Variants in JMJD1C observed in about 807,000 individuals in gnomAD.
JMJD1C encodes the protein jumonji domain containing 1C.
JMJD1C carries 31 observed loss-of-function variants against 245.3 expected under a neutral mutation model. The ratio of observed to expected loss-of-function variants is 0.13; its 90% CI spans 0.09 to 0.17. The LOEUF is 0.17. Ranked by LOEUF, JMJD1C falls within the 10% of genes least tolerant of loss-of-function variation. JMJD1C has a pLI of 1.00. For synonymous variants in JMJD1C, 1,057 were observed against 1,017.4 expected (o/e 1.04, Z -0.74); for missense variants, 2,691 against 3,000.2 (o/e 0.90, Z 2.41).
chr10:63,452,559 T>A (rs1952136105), intron 1 of JMJD1C, among the ~76,000 whole-genome samples: 1 of 152,142 alleles, frequency 6.6e-6, no homozygotes, highest in South Asian at 2.1e-4. Context: ...TACCATATGA[T>A]CCAGCAATTC....
rs1554902638 is a variant in JMJD1C, at chr10:63,361,742, A to AAG, written c.333+18575_333+18576insCT. Among the ~76,000 whole-genome samples the AAG allele has an allele frequency of 1.3e-4, 19 of 146,618 alleles. No homozygotes were observed. In the East Asian group the frequency reaches 1.8e-3, roughly 14 times the overall value. ...ACTAAAAAAAAAAAAAAAAAAAAAAAAAAAAGAAAAAGAATATCCTACTCC... is the reference window on the plus strand; with the variant it reads ...ACTAAAAAAAAAAAAAAAAAAAAAAAAGAAAAAGAAAAAGAATATCCTACTCC... On this transcript the variant is annotated intron_variant, in intron 2 of 25. Coordinates refer to ENST00000399262, the MANE Select transcript of JMJD1C (RefSeq NM_032776.3).
At position 63,193,016 on chromosome 10, in the gene JMJD1C, A is replaced by T; in HGVS notation, c.5998T>A (p.Leu2000Ile). The T allele has an allele frequency of 6.2e-7, 1 of 1,614,128 alleles. No individual in the cohort carries two copies. Among genetic ancestry groups the T allele is most frequent in the Non-Finnish European group, 8.5e-7 (1 of 1,180,014 alleles). The change falls in exon 16 of 26, where the codon TTA becomes ATA. Residue 2000 changes from leucine (L) to isoleucine (I), a missense_variant. Transcript: ENST00000399262. ...GGTGACTGGGATTCTGGAGGAGTTA[A>T]CTTGTTATCTGTGCCTACATCACTC... ...PESDVGTDNK[L>I]TPPESQSPLH...
intron 2 of JMJD1C, among the ~76,000 whole-genome samples, chr10:63,376,814 A>G (rs978959365): frequency 6.6e-6 from 1 of 152,206 alleles, no homozygotes; most frequent in African/African-American, 2.4e-5. Flanking sequence ...ACCCTTACAC[A>G]ATGCTGGTGG....
chr10:63,249,211 A>T (rs1589281005), intron 3 of JMJD1C, among the ~76,000 whole-genome samples: 1 of 152,052 alleles, frequency 6.6e-6, no homozygotes, highest in Non-Finnish European at 1.5e-5. Context: ...AGCTACTCAG[A>T]AGGCTGAGGC....
At chr10:63,189,065 C>T in intron 18 of JMJD1C, 103 bp downstream of exon 18, 2 of 930,486 alleles carry the variant, frequency 2.1e-6, no homozygotes, top group Non-Finnish European at 3.1e-6. Flanking sequence ...ATGTGTTAAC[C>T]ACTATTTTTC....
chr10:63,405,600 G>C (rs1373263744), intron 1 of JMJD1C, among the ~76,000 whole-genome samples: 2 of 152,182 alleles, frequency 1.3e-5, no homozygotes, highest in African/African-American at 4.8e-5. Context: ...GGGGATTACA[G>C]GCATGAGCCA....
At chr10:63,276,506 G>A (rs2133858655) in intron 2 of JMJD1C, among the ~76,000 whole-genome samples, 2 of 150,362 alleles carry the variant, frequency 1.3e-5, no homozygotes, top group Middle Eastern at 7.0e-3. Flanking sequence ...CCAACATGGT[G>A]AAACCCCAAC....
chr10:63,322,802 CAAAAAAA>C (rs58263377), intron 2 of JMJD1C, among the ~76,000 whole-genome samples: 1 of 73,782 alleles, frequency 1.4e-5, no homozygotes, highest in Admixed American at 1.8e-4. Flanking sequence ...GATTCCATCT[CAAAAAAA>C]AAAAAAAAAA....
intron 2 of JMJD1C, among the ~76,000 whole-genome samples, chr10:63,301,492 T>C (rs1176693261): frequency 6.6e-6 from 1 of 152,230 alleles, no homozygotes; most frequent in Non-Finnish European, 1.5e-5. Context: ...CACACATACA[T>C]GCACACTTAA....
At chr10:63,268,797 A>G (rs983151595) in intron 2 of JMJD1C, 1 of 985,802 alleles carries the variant, frequency 1.0e-6, no homozygotes. Flanking sequence ...TTAGTCTTCA[A>G]AAATCACAGG....
chr10:63,466,008 G>C (rs1033724506), upstream of JMJD1C: 1 of 263,114 alleles, frequency 3.8e-6, no homozygotes, highest in African/African-American at 2.3e-5. Flanking sequence ...CAGCGGCGGC[G>C]CGCAGCGCGT....
rs970602831 is a variant in JMJD1C at position 63,284,909 on chromosome 10, T to A, written c.334-20145A>T. 2.7e-5 allele frequency among the ~76,000 whole-genome samples: 3 copies of A among 109,302 alleles called. No homozygotes were observed. The East Asian group carries it at 8.2e-4, about 30-fold the overall frequency. The allele number at this position is 109,302 out of a possible 152,430, so 71.7% of individuals were successfully genotyped here. ...CACACACACACACACACACACACAT[T>A]CTCTCTACTCGCTGTCTCTCACACA... On this transcript the variant is annotated intron_variant, in intron 2 of 25. Coordinates refer to ENST00000399262, the MANE Select transcript of JMJD1C (RefSeq NM_032776.3).
chr10:63,254,113 C>A (rs1452427967), intron 3 of JMJD1C, among the ~76,000 whole-genome samples: 2 of 152,026 alleles, frequency 1.3e-5, no homozygotes, highest in African/African-American at 4.8e-5. Flanking sequence ...ACAAGGGCTT[C>A]ATTTTAAAGT....
chr10:63,374,051 G>A (rs1946525877), intron 2 of JMJD1C, among the ~76,000 whole-genome samples: 1 of 152,086 alleles, frequency 6.6e-6, no homozygotes, highest in South Asian at 2.1e-4. Context: ...TGGAATTAAT[G>A]ACAATATCCC....
intron 1 of JMJD1C, among the ~76,000 whole-genome samples, chr10:63,509,835 T>A (rs748530346): frequency 5.3e-5 from 8 of 152,198 alleles, no homozygotes; most frequent in Non-Finnish European, 1.2e-4. Flanking sequence ...TTTACTAATC[T>A]TATTAAAGAA....
At position 63,213,879 on chromosome 10, in the gene JMJD1C, T is replaced by G. The variant is rs772863491; in HGVS notation, c.2288A>C (p.His763Pro). Reference sequence around the variant, plus strand: ...TTGACTAGATGATCCGGCTAGTAAATGGGGTGCAGGAGTTAAGGCAGGATG... The same window carrying G: ...TTGACTAGATGATCCGGCTAGTAAAGGGGGTGCAGGAGTTAAGGCAGGATG... ...THHPALTPAP[H>P]LLAGSSSQTP... Residue 763 changes from histidine to proline, a missense_variant, in exon 8 of 26, where the codon CAT becomes CCT. Coordinates refer to ENST00000399262, the MANE Select transcript of JMJD1C (RefSeq NM_032776.3). 1.2e-6 allele frequency: 2 copies of G among 1,614,038 alleles called. No individual in the cohort carries two copies. Among genetic ancestry groups the G allele is most frequent in the Non-Finnish European group, 1.7e-6 (2 of 1,179,980 alleles).
At chr10:63,309,421 G>A (rs566726838) in intron 2 of JMJD1C, among the ~76,000 whole-genome samples, 168 of 150,442 alleles carry the variant, frequency 1.1e-3, no homozygotes, top group Non-Finnish European at 1.4e-3. Context: ...TTGAACCGGG[G>A]GGGCAGAGGT....
chr10:63,264,827 AACAC>A, intron 2 of JMJD1C, 63 bp from the exon 3 acceptor site: 1 of 740,900 alleles, frequency 1.3e-6, no homozygotes, highest in Non-Finnish European at 2.4e-6. Flanking sequence ...ATTATGAAGG[AACAC>A]ACACCAATAC....
At position 63,498,424 on chromosome 10, in the gene JMJD1C, T is replaced by G. The variant is rs74325585; in HGVS notation, n.113+23314A>C. 8.5e-3 allele frequency among the ~76,000 whole-genome samples: 1,293 copies of G among 152,272 alleles called. 14 individuals carry two copies. Among genetic ancestry groups the G allele is most frequent in the East Asian group, 0.027 (138 of 5,188 alleles). On this transcript the variant is annotated intron_variant and non_coding_transcript_variant, in intron 1 of 3. Coordinates refer to the JMJD1C transcript ENST00000633035. ...TTTTTGCCCCTAGTGAAAAAAAGCT[T>G]CTACTTTCACATTTTCCACTTCCAA...
Sources: gnomAD v4.1 joint callset for allele counts (sites outside exome capture counted in the v4.1 genomes callset) on GRCh38, gnomAD v4.1.1 for gene constraint, MANE v1.5 for transcripts, NCBI Gene and HGNC (gene_info 2026-07-23, HGNC 2026-07-21) for gene names.